PRKN: variants seen among roughly 807,000 people sequenced by gnomAD.
The protein encoded by PRKN is parkin RBR E3 ubiquitin protein ligase.
Under a neutral mutation model 59.5 loss-of-function variants are expected in PRKN, and 56 were observed. The observed-to-expected ratio is 0.94, with a 90% CI of 0.76 to 1.18. The LOEUF is 1.18. Ranked by LOEUF, PRKN falls within the 50% of genes most tolerant of loss-of-function variation. PRKN has a pLI of 0.00. For missense variants in PRKN, 657 were observed against 596.4 expected (o/e 1.10, Z -1.06); for synonymous variants, 250 against 222.1 (o/e 1.13, Z -1.12).
Position 162,306,957 on chromosome 6 carries a change from G to A in PRKN, c.172-44192C>T, listed in dbSNP as rs527787742. 3.9e-5 allele frequency among the ~76,000 whole-genome samples: 6 copies of A among 152,228 alleles called. No individual in the cohort carries two copies. In the South Asian group the frequency reaches 1.2e-3, roughly 32 times the overall value. On this transcript the variant is annotated intron_variant, in intron 2 of 11. Coordinates refer to ENST00000366898, the MANE Select transcript of PRKN (RefSeq NM_004562.3). ...TGAAAATGGAAATCCTGCTTTTTAT[G>A]TGTAATTAACCAGTTCTCCAATGTT...
intron 2 of PRKN, among the ~76,000 whole-genome samples, chr6:162,438,843 T>G (rs976604766): frequency 2.0e-5 from 3 of 152,208 alleles, no homozygotes; most frequent in African/African-American, 7.2e-5. Context: ...TTGCAAACTT[T>G]GGAAGTTTCC....
chr6:161,928,551 G>A (rs930499646), intron 6 of PRKN, among the ~76,000 whole-genome samples: 11 of 152,188 alleles, frequency 7.2e-5, no homozygotes, highest in East Asian at 5.8e-4. Flanking sequence ...AAGTGGTTCC[G>A]TATGGACTAG....
At chr6:162,264,206 G>A (rs1476015087) in intron 2 of PRKN, among the ~76,000 whole-genome samples, 1 of 152,116 alleles carries the variant, frequency 6.6e-6, no homozygotes, top group Non-Finnish European at 1.5e-5. Flanking sequence ...GAACCTGGGA[G>A]GCGAAGGTTG....
chr6:162,524,760 A>G (rs113988130), intron 1 of PRKN, among the ~76,000 whole-genome samples: 139 of 152,266 alleles, frequency 9.1e-4, no homozygotes, highest in African/African-American at 3.2e-3. Flanking sequence ...TTTTGATACT[A>G]CATCAAAAAC....
intron 7 of PRKN, among the ~76,000 whole-genome samples, chr6:161,667,970 T>C (rs17595725): frequency 0.052 from 7,907 of 152,248 alleles, 255 homozygotes; most frequent in Middle Eastern, 0.082. Context: ...TGCTAAATAT[T>C]ATGGGAACTT....
intron 2 of PRKN, among the ~76,000 whole-genome samples, chr6:162,272,665 A>G (rs1186663248): frequency 6.6e-6 from 1 of 152,102 alleles, no homozygotes; most frequent in Non-Finnish European, 1.5e-5. Context: ...ATTGCAAAAC[A>G]ACATCTGCGC....
At chr6:162,145,936 C>T (rs1400344498) in intron 4 of PRKN, among the ~76,000 whole-genome samples, 1 of 152,166 alleles carries the variant, frequency 6.6e-6, no homozygotes, top group African/African-American at 2.4e-5. Flanking sequence ...CAGCACCAAT[C>T]AGAGGCTGAA....
intron 1 of PRKN, among the ~76,000 whole-genome samples, chr6:162,614,435 T>C (rs1200505960): frequency 6.6e-6 from 1 of 152,190 alleles, no homozygotes; most frequent in African/African-American, 2.4e-5. Context: ...AATTTATATA[T>C]GTTAACTTAT....
chr6:161,942,686 CA>C (rs1176390159), intron 6 of PRKN, among the ~76,000 whole-genome samples: 2 of 152,032 alleles, frequency 1.3e-5, no homozygotes, highest in Non-Finnish European at 2.9e-5. Flanking sequence ...GAGATTTGAC[CA>C]AGAAATATGA....
chr6:162,474,754 A>T (rs1791919509), intron 1 of PRKN, among the ~76,000 whole-genome samples: 2 of 152,128 alleles, frequency 1.3e-5, no homozygotes, highest in African/African-American at 4.8e-5. Flanking sequence ...TAGATAAGAG[A>T]CTCTGAATAT....
chr6:162,163,886 C>T (rs1342560659), intron 4 of PRKN, among the ~76,000 whole-genome samples: 1 of 149,246 alleles, frequency 6.7e-6, no homozygotes, highest in Non-Finnish European at 1.5e-5. Context: ...TCTGCAGCTA[C>T]AGGCCTTATC....
intron 7 of PRKN, among the ~76,000 whole-genome samples, chr6:161,710,757 G>A (rs57921265): frequency 0.43 from 64,652 of 151,436 alleles, 14,245 homozygotes; most frequent in Admixed American, 0.6. Context: ...CTTGAATCTT[G>A]AATGTGCCTG....
chr6:161,520,962 CTTAA>C (rs1430992778), intron 9 of PRKN, among the ~76,000 whole-genome samples: 1 of 152,150 alleles, frequency 6.6e-6, no homozygotes, highest in Non-Finnish European at 1.5e-5. Context: ...AGCTACAGAG[CTTAA>C]TTAAACATAT....
At chr6:161,532,164 C>A (rs201244025) in intron 9 of PRKN, among the ~76,000 whole-genome samples, 34 of 67,954 alleles carry the variant, frequency 5.0e-4, no homozygotes, top group South Asian at 3.8e-3. Context: ...CTCTCTCTCT[C>A]TCTATATATA....
chr6:161,975,040 G>A (rs1193466721), intron 5 of PRKN, among the ~76,000 whole-genome samples: 1 of 148,052 alleles, frequency 6.8e-6, no homozygotes, highest in Non-Finnish European at 1.5e-5. Context: ...ATTCATATTT[G>A]TATTCTAACA....
At chr6:162,151,984 A>G (rs771486085) in intron 4 of PRKN, among the ~76,000 whole-genome samples, 1 of 152,200 alleles carries the variant, frequency 6.6e-6, no homozygotes, top group Non-Finnish European at 1.5e-5. Context: ...ATAATGCTTT[A>G]TGTACCCTTA....
At chr6:162,060,540 G>A (rs1312393826) in intron 4 of PRKN, among the ~76,000 whole-genome samples, 3 of 152,178 alleles carry the variant, frequency 2.0e-5, no homozygotes, top group African/African-American at 7.2e-5. Flanking sequence ...ATTTTCAAAA[G>A]TTCTAGAACT....
chr6:162,447,746 C>G lies in PRKN; in HGVS notation c.8-4273G>C, dbSNP rs552562454. Among the ~76,000 whole-genome samples the G allele has an allele frequency of 2.6e-5, 4 of 152,182 alleles. No homozygotes were observed. The East Asian group carries it at 7.7e-4, about 29-fold the overall frequency. ...AATAATTAATGATTCTTAAATGATT[C>G]TGGCTGCTCCTCAAGCAGCCATTCC... On this transcript the variant is annotated intron_variant, in intron 1 of 11. Transcript: ENST00000366898.
intron 6 of PRKN, among the ~76,000 whole-genome samples, chr6:161,896,442 C>T (rs989693105): frequency 6.6e-6 from 1 of 152,192 alleles, no homozygotes; most frequent in African/African-American, 2.4e-5. Context: ...GGAATCCATT[C>T]TTCCAGCCAC....
Sources: gnomAD v4.1 joint callset for allele counts (sites outside exome capture counted in the v4.1 genomes callset) on GRCh38, gnomAD v4.1.1 for gene constraint, MANE v1.5 for transcripts, NCBI Gene and HGNC (gene_info 2026-07-23, HGNC 2026-07-21) for gene names.